The following MYMK variants were observed in gnomAD, a reference collection of about 807,000 sequenced individuals.
MYMK encodes the protein protein myomaker.
MYMK carries 16 observed loss-of-function variants against 22.4 expected under a neutral mutation model. The observed-to-expected ratio is 0.72, with a 90% CI of 0.48 to 1.09. MYMK has a LOEUF of 1.09. Ranked by LOEUF, MYMK falls within the 50% of genes least tolerant of loss-of-function variation. MYMK has a pLI of 0.00. For missense variants in MYMK, 250 were observed against 295.6 expected (o/e 0.85, Z 1.13); for synonymous variants, 125 against 127.0 (o/e 0.98, Z 0.11).
chr9:133,524,910 G>A lies in MYMK; in HGVS notation c.-66C>T, dbSNP rs1844740921. On this transcript the variant is annotated 5_prime_UTR_variant, in exon 1 of 5. Coordinates refer to ENST00000339996, the MANE Select transcript of MYMK (RefSeq NM_001080483.3). Reference sequence around the variant, plus strand: ...GGTGTCCCAGGTCCCCAGCACAGGAGCACGAAGTGGGAAGGCCAGCTCCCT... The same window carrying A: ...GGTGTCCCAGGTCCCCAGCACAGGAACACGAAGTGGGAAGGCCAGCTCCCT... 3.9e-6 allele frequency: 6 copies of A among 1,527,508 alleles called. No individual in the cohort carries two copies. The South Asian group carries it at 5.1e-5, about 13-fold the overall frequency. The allele number at this position is 1,527,508 out of a possible 1,614,324, so 94.6% of individuals were successfully genotyped here.
At chr9:133,514,814 C>T (rs369347546) in intron 4 of MYMK, 29 bp from the exon 5 acceptor site, 16 of 1,601,508 alleles carry the variant, frequency 1.0e-5, no homozygotes, top group African/African-American at 1.3e-5. Context: ...CAGTCTGGGG[C>T]CTCAGCCCCC....
Position 133,524,722 on chromosome 9 carries a change from C to T in MYMK, c.123G>A (p.Leu41=), listed in dbSNP as rs1844738801. 6.2e-7 allele frequency: 1 copy of T among 1,614,098 alleles called. No individual in the cohort carries two copies. Among genetic ancestry groups the T allele is most frequent in the Non-Finnish European group, 8.5e-7 (1 of 1,180,048 alleles). The part of the protein sequence containing the change: ...HMEAMVYLFT[L]FFVALHHACN... ...CCCCCAGACTCACCGCCACGAAGAA[C>T]AGGGTGAAGAGGTAGACCATGGCCT... The change falls in exon 1 of 5, where the codon CTG becomes CTA. Residue 41 remains leucine, a synonymous_variant. Transcript: ENST00000339996.
chr9:133,520,771 C>T (rs1844694523), intron 1 of MYMK, among the ~76,000 whole-genome samples: 1 of 152,044 alleles, frequency 6.6e-6, no homozygotes, highest in Admixed American at 6.5e-5. Flanking sequence ...TCTTTGGGGG[C>T]TCCTGGGGCC....
At position 133,519,029 on chromosome 9, in the gene MYMK, G is replaced by C; in HGVS notation, c.251-7C>G. The C allele has an allele frequency of 6.2e-7, 1 of 1,613,534 alleles. No homozygotes were observed. On this transcript the variant is annotated splice_polypyrimidine_tract_variant and splice_region_variant and intron_variant, in intron 2 of 4. Transcript: ENST00000339996. Reference sequence around the variant, plus strand: ...TCGTCGAAGTCGGCCAGTGCTGGAGGGGCCAGGGAGACACAGGGGGAGGTG... The same window carrying C: ...TCGTCGAAGTCGGCCAGTGCTGGAGCGGCCAGGGAGACACAGGGGGAGGTG...
intron 1 of MYMK, among the ~76,000 whole-genome samples, chr9:133,522,899 C>G (rs2131072253): frequency 6.6e-6 from 1 of 152,346 alleles, no homozygotes; most frequent in South Asian, 2.1e-4. Flanking sequence ...GACTCTGTCT[C>G]TCTGGGATTT....
In MYMK at chr9:133,520,308, T is replaced by C. The variant is rs1378395493; in HGVS notation, c.136-20A>G. The C allele has an allele frequency of 6.2e-7, 1 of 1,607,486 alleles. No homozygotes were observed. The highest frequency in any genetic ancestry group is 1.3e-5 in the African/African-American group (1 of 74,876). On this transcript the variant is annotated intron_variant, in intron 1 of 4. Coordinates refer to ENST00000339996, the MANE Select transcript of MYMK (RefSeq NM_001080483.3). ...GTGGAGCTGCCAGAAAACCCACAGG[T>C]GGTCACAGCACAAAGAGGCCAGAGC...
chr9:133,515,360 G>A lies in MYMK; in HGVS notation c.516+131C>T. ...GCCCTGGGAGGGGCTAGTGAGCAGG[G>A]ACTAATACCAGACTTTGGCCTGGGG... On this transcript the variant is annotated intron_variant, in intron 4 of 4. Transcript: ENST00000339996. This position sits in a 1 kb window ranked among gnomAD's most constrained non-coding sequence, Gnocchi z 5.8. The A allele has an allele frequency of 1.5e-6, 1 of 686,924 alleles. No individual in the cohort carries two copies. Among genetic ancestry groups the A allele is most frequent in the South Asian group, 1.7e-5 (1 of 58,280 alleles). 42.6% of individuals were successfully genotyped at this position (686,924 alleles called of 1,614,324 possible). A position where few individuals can be genotyped will look rare whatever the true frequency, so the allele number is the denominator to read the frequency against.
rs1844664313 is a variant in MYMK at position 133,518,914 on chromosome 9, C to T, written c.359G>A (p.Gly120Asp). ...GATGAGGATGGCTGTGCCGATGGGG[C>T]CCGAGTACACCCCGTAGCCCCATCG... ...HDRWGYGVYSGPIGTAILIIA... is the reference protein window; with the variant it reads ...HDRWGYGVYSDPIGTAILIIA... Residue 120 changes from glycine (G) to aspartate (D), a missense_variant, in exon 3 of 5, where the codon GGC (glycine) becomes GAC (aspartate). By Grantham distance (94) the Gly-to-Asp change is moderately conservative. Coordinates refer to ENST00000339996, the MANE Select transcript of MYMK (RefSeq NM_001080483.3). 1 of 1,613,624 alleles carries T rather than the reference C, an allele frequency of 6.2e-7. No individual in the cohort carries two copies. The highest frequency in any genetic ancestry group is 8.5e-7 in the Non-Finnish European group (1 of 1,179,990).
Position 133,519,015 on chromosome 9 carries a change from G to T in MYMK, c.258C>A (p.Ala86=), listed in dbSNP as rs1474695498. 1.5e-5 allele frequency: 24 copies of T among 1,613,598 alleles called. No individual in the cohort carries two copies. The highest frequency in any genetic ancestry group is 5.0e-5 in the Admixed American group (3 of 59,982). ...LSMWVSLMAL[A]DFDEPKRSTF... is the part of the protein sequence containing the mutation. The stretch of plus-strand genomic sequence containing the variant: ...TTGACCTCTTGGGTTCGTCGAAGTC[G>T]GCCAGTGCTGGAGGGGCCAGGGAGA... The change falls in exon 3 of 5, where the codon GCC becomes GCA. Residue 86 remains alanine (A), a synonymous_variant. Coordinates refer to ENST00000339996, the MANE Select transcript of MYMK (RefSeq NM_001080483.3).
intron 3 of MYMK, among the ~76,000 whole-genome samples, chr9:133,517,417 G>C (rs189148073): frequency 6.6e-6 from 1 of 152,318 alleles, no homozygotes; most frequent in East Asian, 1.9e-4. Flanking sequence ...TGTAATTCCA[G>C]CACTTTGGGA....
chr9:133,515,678 C>T lies in MYMK; in HGVS notation c.400-71G>A, dbSNP rs1844623032. On this transcript the variant is annotated intron_variant, in intron 3 of 4. Coordinates refer to ENST00000339996, the MANE Select transcript of MYMK (RefSeq NM_001080483.3). The surrounding 1 kb of genome is among the most constrained non-coding windows in gnomAD (Gnocchi z 5.8). ...GGGGAACGCCCCTCCCCAAACCAGC[C>T]CGAGAGCTGGCCCTGCACAGGCTCA... 5.8e-6 allele frequency: 6 copies of T among 1,036,516 alleles called. No homozygotes were observed. In the East Asian group the frequency reaches 7.2e-5, roughly 12 times the overall value. 64.2% of individuals were successfully genotyped at this position (1,036,516 alleles called of 1,614,324 possible). A position where few individuals can be genotyped will look rare whatever the true frequency, so the allele number is the denominator to read the frequency against.
intron 1 of MYMK, 127 bp downstream of exon 1, chr9:133,524,583 G>A (rs2131073292): frequency 7.1e-7 from 1 of 1,408,050 alleles, no homozygotes; most frequent in African/African-American, 1.4e-5. Context: ...ACCCCACCTG[G>A]GCCTGCTGTT....
chr9:133,521,048 G>A (rs932130656), intron 1 of MYMK, among the ~76,000 whole-genome samples: 4 of 152,060 alleles, frequency 2.6e-5, no homozygotes, highest in Non-Finnish European at 5.9e-5. Flanking sequence ...GAAGATCTCT[G>A]AGACCCCCTT....
intron 1 of MYMK, 78 bp from the exon 2 acceptor site, chr9:133,520,366 G>A (rs1321001521): frequency 1.8e-6 from 2 of 1,113,190 alleles, no homozygotes; most frequent in South Asian, 1.3e-5. Context: ...AGAGTGCCAG[G>A]TCACTTGCTG....
rs189762487 is a variant in MYMK, at chr9:133,515,908, G to A, written c.400-301C>T. On this transcript the variant is annotated intron_variant, in intron 3 of 4. Coordinates refer to ENST00000339996, the MANE Select transcript of MYMK (RefSeq NM_001080483.3). The surrounding 1 kb of genome is among the most constrained non-coding windows in gnomAD (Gnocchi z 5.8). ...TTTGAGATGTAACAACGCCACCCTC[G>A]CATGTCTCCTCCTCCCTGGAGGGGA... Among the ~76,000 whole-genome samples the A allele has an allele frequency of 8.9e-4, 135 of 152,290 alleles. 1 individual carries two copies. The highest frequency in any genetic ancestry group is 1.7e-3 in the Non-Finnish European group (114 of 68,014).
At chr9:133,524,391 T>C (rs986789472) in intron 1 of MYMK, among the ~76,000 whole-genome samples, 11 of 151,928 alleles carry the variant, frequency 7.2e-5, no homozygotes, top group Non-Finnish European at 1.0e-4. Flanking sequence ...CGTGGGGGCT[T>C]TGATTAGCAG....
chr9:133,524,664 C>T (rs763026888), intron 1 of MYMK, 46 bp downstream of exon 1: 3 of 1,613,756 alleles, frequency 1.9e-6, no homozygotes, highest in East Asian at 4.5e-5. Context: ...TCCTCTACCT[C>T]CAGGATGGGG....
chr9:133,523,263 G>A (rs1844723837), intron 1 of MYMK, among the ~76,000 whole-genome samples: 2 of 152,262 alleles, frequency 1.3e-5, no homozygotes, highest in Admixed American at 6.5e-5. Flanking sequence ...GGCCTCACCC[G>A]CTCAGGACTC....
rs147657614 is a variant in MYMK, at chr9:133,518,281, G to A, written c.399+593C>T. On this transcript the variant is annotated intron_variant, in intron 3 of 4. Transcript: ENST00000339996. ...AGGGAGCACTGAAGACCACGTGAGG[G>A]CCTTGCTGCTCTGCAAGGGGCTGTC... 2.2e-3 allele frequency among the ~76,000 whole-genome samples: 342 copies of A among 152,296 alleles called. 1 individual carries two copies. The highest frequency in any genetic ancestry group is 3.6e-3 in the Non-Finnish European group (242 of 68,016).
Sources: allele counts gnomAD v4.1 joint callset (sites outside exome capture counted in the v4.1 genomes callset), GRCh38; gene constraint gnomAD v4.1.1; non-coding constraint Gnocchi (gnomAD v3.1); transcripts MANE v1.5; gene names NCBI Gene and HGNC (gene_info 2026-07-23, HGNC 2026-07-21).